The following RIN2 variants were observed in gnomAD, a reference collection of about 807,000 sequenced individuals.
The protein encoded by RIN2 is RAB5 interacting protein 2.
In RIN2, 36 loss-of-function variants were observed where a neutral mutation model predicts 78.0. The ratio of observed to expected loss-of-function variants is 0.46; its 90% confidence interval spans 0.35 to 0.61. RIN2 has a LOEUF of 0.61. RIN2 is among the 20% of genes least tolerant of loss of function. The pLI, the probability that RIN2 is intolerant of heterozygous loss-of-function variation, is 0.00. For missense variants in RIN2, 1,087 were observed against 1,159.7 expected (o/e 0.94, Z 0.91); for synonymous variants, 466 against 466.8 (o/e 1.00, Z 0.02).
At chr20:19,995,046 C>T (rs2042911654) in intron 11 of RIN2, among the ~76,000 whole-genome samples, 2 of 152,074 alleles carry the variant, frequency 1.3e-5, no homozygotes, top group Admixed American at 6.5e-5. Flanking sequence ...ATGTCCAGCA[C>T]GAGTTTGCAG....
intron 9 of RIN2, among the ~76,000 whole-genome samples, chr20:19,983,089 A>G (rs2042511547): frequency 6.6e-6 from 1 of 152,240 alleles, no homozygotes; most frequent in Non-Finnish European, 1.5e-5. Flanking sequence ...AACTAAGACA[A>G]ATGGGGATTA....
intron 2 of RIN2, among the ~76,000 whole-genome samples, chr20:19,818,397 G>A (rs1050325587): frequency 6.6e-6 from 1 of 152,166 alleles, no homozygotes; most frequent in Non-Finnish European, 1.5e-5. Context: ...GGGGATCCTT[G>A]CATCACAAGT....
intron 1 of RIN2, among the ~76,000 whole-genome samples, chr20:19,774,330 T>C (rs2034236949): frequency 6.6e-6 from 1 of 152,132 alleles, no homozygotes; most frequent in Non-Finnish European, 1.5e-5. Flanking sequence ...ACAACCCAAC[T>C]CTGATTTATG....
intron 2 of RIN2, among the ~76,000 whole-genome samples, chr20:19,873,226 G>GT (rs2037746432): frequency 6.6e-6 from 1 of 152,056 alleles, no homozygotes; most frequent in Non-Finnish European, 1.5e-5. Context: ...CTGGGCTCAG[G>GT]TAATCCTCAT....
rs189282781 is a variant in RIN2, at chr20:19,817,489, C to T, written c.-37+17742C>T. ...TCTTAATACTATTGCAATGGGGATTCGGTTTCAATGTATAAATTTGGGGGC... is the reference window on the plus strand; with the variant it reads ...TCTTAATACTATTGCAATGGGGATTTGGTTTCAATGTATAAATTTGGGGGC... On this transcript the variant is annotated intron_variant, in intron 2 of 12. Transcript: ENST00000255006. Among the ~76,000 whole-genome samples the T allele has an allele frequency of 7.3e-3, 1,106 of 151,768 alleles. 7 individuals are homozygous for T. The highest frequency in any genetic ancestry group is 0.01 in the Non-Finnish European group (695 of 67,952).
chr20:19,769,911 A>G, intron 1 of RIN2, among the ~76,000 whole-genome samples: 1 of 152,382 alleles, frequency 6.6e-6, no homozygotes, highest in East Asian at 1.9e-4. Flanking sequence ...AATAAACAAT[A>G]AAAATAATTA....
At chr20:19,959,967 C>T (rs998243575) in intron 5 of RIN2, among the ~76,000 whole-genome samples, 1 of 152,188 alleles carries the variant, frequency 6.6e-6, no homozygotes, top group Non-Finnish European at 1.5e-5. Flanking sequence ...TGTTTTAAAG[C>T]ATGTGTCTAA....
intron 1 of RIN2, among the ~76,000 whole-genome samples, chr20:19,784,319 TATGTG>T (rs913972684): frequency 6.7e-6 from 1 of 149,228 alleles, no homozygotes; most frequent in African/African-American, 2.6e-5. Context: ...TTTAAACAAT[TATGTG>T]TGTGTGTGTG....
At chr20:19,934,501 C>T in intron 3 of RIN2, 1 of 985,310 alleles carries the variant, frequency 1.0e-6, no homozygotes, top group Non-Finnish European at 1.2e-6. Flanking sequence ...CTCCCCTCCT[C>T]CCCACTCATC....
At chr20:19,790,777 T>C (rs1311909078) in intron 1 of RIN2, among the ~76,000 whole-genome samples, 3 of 152,136 alleles carry the variant, frequency 2.0e-5, no homozygotes, top group African/African-American at 4.8e-5. Context: ...TTAGTTCAGG[T>C]CTCTCTTACT....
At chr20:19,869,957 T>C (rs1190644036) in intron 2 of RIN2, among the ~76,000 whole-genome samples, 1 of 152,112 alleles carries the variant, frequency 6.6e-6, no homozygotes, top group African/African-American at 2.4e-5. Flanking sequence ...CAAGTTATTT[T>C]GAAATAATGT....
At chr20:19,915,901 C>T (rs1490984001) in intron 3 of RIN2, among the ~76,000 whole-genome samples, 1 of 152,208 alleles carries the variant, frequency 6.6e-6, no homozygotes, top group Non-Finnish European at 1.5e-5. Context: ...CAATTCCTTT[C>T]ACTGTGAACC....
Position 19,974,724 on chromosome 20 carries a change from C to T in RIN2, c.699C>T (p.Asp233=), listed in dbSNP as rs765008706. ...LPPPHRPLSS[D]GVCPASLRQL... ...CTCCCCATAGGCCTCTTTCCTCCGA[C>T]GGTGTCTGTCCTGCCTCCCTGCGTC... Residue 233 remains aspartate (D), a synonymous_variant, in exon 9 of 13, where the codon GAC becomes GAT. Coordinates refer to ENST00000255006, the MANE Select transcript of RIN2 (RefSeq NM_018993.4). 2 of 1,614,026 alleles carry T rather than the reference C, an allele frequency of 1.2e-6. No homozygotes were observed. Among genetic ancestry groups the T allele is most frequent in the Non-Finnish European group, 1.7e-6 (2 of 1,179,882 alleles).
At chr20:19,995,575 T>C (rs536588343) in intron 11 of RIN2, among the ~76,000 whole-genome samples, 12 of 152,156 alleles carry the variant, frequency 7.9e-5, no homozygotes, top group Non-Finnish European at 1.6e-4. Flanking sequence ...CAGCCCTTTT[T>C]ACACTCCTCA....
At position 19,834,969 on chromosome 20, in the gene RIN2, A is replaced by AG. The variant is rs758087526; in HGVS notation, c.-37+35222_-37+35223insG. ...GAAAAGAGAGAGAGAGAGAGAGAGA[A>AG]AGAAAGAAAGGAAGGAAAGAGAGAA... On this transcript the variant is annotated intron_variant, in intron 2 of 12. Coordinates refer to ENST00000255006, the MANE Select transcript of RIN2 (RefSeq NM_018993.4). 6.3e-3 allele frequency among the ~76,000 whole-genome samples: 769 copies of AG among 122,646 alleles called. 7 individuals carry two copies. The highest frequency in any genetic ancestry group is 0.019 in the African/African-American group (697 of 36,172). 80.5% of individuals were successfully genotyped at this position (122,646 alleles called of 152,430 possible).
chr20:19,852,081 G>T (rs1186645934), intron 2 of RIN2, among the ~76,000 whole-genome samples: 1 of 152,122 alleles, frequency 6.6e-6, no homozygotes, highest in African/African-American at 2.4e-5. Context: ...GCACAAGCCC[G>T]ACCACAGAAA....
intron 1 of RIN2, among the ~76,000 whole-genome samples, chr20:19,770,203 AAAAT>A (rs1361386808): frequency 2.9e-4 from 44 of 152,252 alleles, no homozygotes; most frequent in African/African-American, 1.0e-3. Context: ...ATGCTTTTAC[AAAAT>A]AAATATCATT....
At chr20:19,817,340 T>C (rs12481254) in intron 2 of RIN2, among the ~76,000 whole-genome samples, 15,771 of 152,104 alleles carry the variant, frequency 0.1, 1,086 homozygotes, top group African/African-American at 0.2. Context: ...AAGATGAAGG[T>C]TTCTAGCTGT....
chr20:19,954,070 G>A lies in RIN2; in HGVS notation c.159-2545G>A, dbSNP rs1051135801. Among the ~76,000 whole-genome samples the A allele has an allele frequency of 2.2e-4, 33 of 152,150 alleles. 1 individual carries two copies. The highest frequency in any genetic ancestry group is 3.7e-4 in the Non-Finnish European group (25 of 68,028). Reference sequence around the variant, plus strand: ...GAAGGTGATGGAGAGAAGTTAGGACGGGGGTCTCTGGCCAGTCCACATGCC... The same window carrying A: ...GAAGGTGATGGAGAGAAGTTAGGACAGGGGTCTCTGGCCAGTCCACATGCC... On this transcript the variant is annotated intron_variant, in intron 4 of 12. Transcript: ENST00000255006.
Sources: allele counts gnomAD v4.1 joint callset (sites outside exome capture counted in the v4.1 genomes callset), GRCh38; gene constraint gnomAD v4.1.1; transcripts MANE v1.5; gene names NCBI Gene and HGNC (gene_info 2026-07-23, HGNC 2026-07-21).